CTNND2: variants seen among roughly 807,000 people sequenced by gnomAD.
The protein encoded by CTNND2 is catenin delta 2, also known as catenin delta-2.
Under a neutral mutation model 144.4 loss-of-function variants are expected in CTNND2, and 22 were observed. The ratio of observed to expected loss-of-function variants is 0.15; its 90% CI spans 0.11 to 0.22. CTNND2 has a LOEUF of 0.22. CTNND2 is among the 10% of genes least tolerant of loss of function. CTNND2 has a pLI of 1.00. For synonymous variants in CTNND2, 751 were observed against 695.6 expected (o/e 1.08, Z -1.25); for missense variants, 1,353 against 1,618.8 (o/e 0.84, Z 2.82).
At chr5:11,495,742 G>C (rs866473645) in intron 3 of CTNND2, among the ~76,000 whole-genome samples, 4 of 152,126 alleles carry the variant, frequency 2.6e-5, no homozygotes, top group Middle Eastern at 3.2e-3. Context: ...GCAGAACAAG[G>C]CTTGAAGTTC....
At chr5:11,317,280 G>A (rs1751611121) in intron 9 of CTNND2, among the ~76,000 whole-genome samples, 3 of 152,168 alleles carry the variant, frequency 2.0e-5, no homozygotes, top group Admixed American at 2.0e-4. Context: ...TCTTACCCTA[G>A]ATACCATCAT....
At position 11,293,448 on chromosome 5, in the gene CTNND2, T is replaced by A. The variant is rs148136704; in HGVS notation, c.1628+52924A>T. Reference sequence around the variant, plus strand: ...ACTTATTTTTATCTAATTTATCAGATGTGACATTTAAAATAAAATAACTCA... The same window carrying A: ...ACTTATTTTTATCTAATTTATCAGAAGTGACATTTAAAATAAAATAACTCA... On this transcript the variant is annotated intron_variant, in intron 9 of 21. Coordinates refer to ENST00000304623, the MANE Select transcript of CTNND2 (RefSeq NM_001332.4). Among the ~76,000 whole-genome samples, 318 of 152,318 alleles carry A rather than the reference T, an allele frequency of 2.1e-3. 2 individuals are homozygous for A. Among genetic ancestry groups the A allele is most frequent in the Admixed American group, 0.015 (236 of 15,292 alleles).
intron 1 of CTNND2, among the ~76,000 whole-genome samples, chr5:11,866,596 A>G (rs1795780094): frequency 6.6e-6 from 1 of 152,186 alleles, no homozygotes; most frequent in South Asian, 2.1e-4. Context: ...ACTGAAGGAG[A>G]TTTTGTACCT....
chr5:11,464,989 T>C (rs964914846), intron 3 of CTNND2, among the ~76,000 whole-genome samples: 9 of 152,302 alleles, frequency 5.9e-5, no homozygotes, highest in African/African-American at 1.9e-4. Context: ...GATCTCTCCT[T>C]GCAGGCTTTG....
intron 10 of CTNND2, among the ~76,000 whole-genome samples, chr5:11,222,781 G>C (rs1739929095): frequency 6.6e-6 from 1 of 152,146 alleles, no homozygotes; most frequent in Admixed American, 6.5e-5. Context: ...ACTCCAGCCT[G>C]GGAGATAGTG....
chr5:10,999,658 C>T (rs778009258), intron 18 of CTNND2, among the ~76,000 whole-genome samples: 1 of 152,130 alleles, frequency 6.6e-6, no homozygotes, highest in African/African-American at 2.4e-5. Flanking sequence ...GATATCTGTG[C>T]CTCAAATTGG....
chr5:11,606,848 T>G (rs549667711), intron 2 of CTNND2, among the ~76,000 whole-genome samples: 3 of 152,362 alleles, frequency 2.0e-5, no homozygotes, highest in Non-Finnish European at 4.4e-5. Context: ...GATTACACCT[T>G]GTTATGGGTG....
At chr5:11,169,915 A>G (rs966917937) in intron 11 of CTNND2, among the ~76,000 whole-genome samples, 1 of 152,180 alleles carries the variant, frequency 6.6e-6, no homozygotes, top group African/African-American at 2.4e-5. Context: ...ACAGAGCATC[A>G]CTGAACTACA....
chr5:11,394,859 C>A (rs1250328111), intron 6 of CTNND2, among the ~76,000 whole-genome samples: 1 of 152,028 alleles, frequency 6.6e-6, no homozygotes, highest in East Asian at 1.9e-4. Context: ...AATTTACGAA[C>A]CAGATAAAAA....
At chr5:11,677,613 T>C (rs924876697) in intron 2 of CTNND2, among the ~76,000 whole-genome samples, 1 of 152,104 alleles carries the variant, frequency 6.6e-6, no homozygotes, top group Non-Finnish European at 1.5e-5. Flanking sequence ...TGATAGATAA[T>C]AATGTGTTTA....
At chr5:11,008,467 T>C (rs1045394769) in intron 18 of CTNND2, among the ~76,000 whole-genome samples, 4 of 152,222 alleles carry the variant, frequency 2.6e-5, no homozygotes, top group Non-Finnish European at 5.9e-5. Flanking sequence ...AGCCAAGGAA[T>C]GCAGGCAGCC....
chr5:11,449,093 T>A (rs545669369), intron 3 of CTNND2, among the ~76,000 whole-genome samples: 1 of 152,130 alleles, frequency 6.6e-6, no homozygotes, highest in Non-Finnish European at 1.5e-5. Context: ...CACAATTGTC[T>A]AGGTATCTAA....
At chr5:11,644,660 C>T (rs932515644) in intron 2 of CTNND2, among the ~76,000 whole-genome samples, 6 of 134,686 alleles carry the variant, frequency 4.5e-5, no homozygotes, top group African/African-American at 1.7e-4. Context: ...GGCGAAAGAA[C>T]AAGACTCCAT....
At chr5:11,271,537 G>T (rs1746011540) in intron 9 of CTNND2, among the ~76,000 whole-genome samples, 1 of 152,082 alleles carries the variant, frequency 6.6e-6, no homozygotes, top group African/African-American at 2.4e-5. Flanking sequence ...AAAGATGTGT[G>T]CATGTGATGA....
intron 2 of CTNND2, among the ~76,000 whole-genome samples, chr5:11,696,185 G>T (rs1244137007): frequency 5.3e-5 from 8 of 152,158 alleles, no homozygotes; most frequent in African/African-American, 1.9e-4. Context: ...TAGTGCCAAA[G>T]CAGTGATAAA....
At chr5:11,029,174 T>C (rs1395244106) in intron 16 of CTNND2, among the ~76,000 whole-genome samples, 1 of 152,250 alleles carries the variant, frequency 6.6e-6, no homozygotes, top group Admixed American at 6.5e-5. Context: ...TATTTCTGTC[T>C]TTGAATCTAA....
intron 3 of CTNND2, among the ~76,000 whole-genome samples, chr5:11,536,760 T>C (rs761975006): frequency 8.6e-5 from 13 of 151,996 alleles, no homozygotes; most frequent in African/African-American, 9.6e-5. Flanking sequence ...TAAAAGACTA[T>C]ACATTGGGTA....
intron 1 of CTNND2, among the ~76,000 whole-genome samples, chr5:11,843,829 G>T (rs1007306263): frequency 6.6e-6 from 1 of 151,804 alleles, no homozygotes; most frequent in African/African-American, 2.4e-5. Flanking sequence ...TTCCAGGGGT[G>T]GTTTGTTTGA....
intron 16 of CTNND2, among the ~76,000 whole-genome samples, chr5:11,068,844 G>A (rs1747908264): frequency 6.6e-6 from 1 of 152,180 alleles, no homozygotes; most frequent in South Asian, 2.1e-4. Context: ...GTGAACCTGG[G>A]AGGCGAAGCT....
Sources: allele counts gnomAD v4.1 joint callset (sites outside exome capture counted in the v4.1 genomes callset), GRCh38; gene constraint gnomAD v4.1.1; transcripts MANE v1.5; gene names NCBI Gene and HGNC (gene_info 2026-07-23, HGNC 2026-07-21).